The following MYO6 variants were observed in gnomAD, a reference collection of about 807,000 sequenced individuals.
MYO6 encodes the protein unconventional myosin-VI.
In MYO6, 74 loss-of-function variants were observed where a neutral mutation model predicts 178.7. The ratio of observed to expected loss-of-function variants is 0.41; its 90% CI spans 0.34 to 0.50. The LOEUF (loss-of-function observed/expected upper bound fraction) is 0.50. Among genes scored for constraint, MYO6 ranks in the 20% least tolerant of loss-of-function variants. MYO6 has a pLI of 0.09. For synonymous variants in MYO6, 477 were observed against 504.6 expected (o/e 0.95, Z 0.73); for missense variants, 1,330 against 1,547.4 (o/e 0.86, Z 2.36).
intron 32 of MYO6, 109 bp downstream of exon 32, chr6:75,908,736 A>G (rs1341509044): frequency 8.3e-7 from 1 of 1,198,842 alleles, no homozygotes; most frequent in Non-Finnish European, 1.2e-6. Context: ...CTCCTATTTT[A>G]GAACTGTGAG....
intron 23 of MYO6, among the ~76,000 whole-genome samples, chr6:75,885,058 C>A (rs1377303931): frequency 2.0e-5 from 3 of 152,144 alleles, no homozygotes; most frequent in Non-Finnish European, 2.9e-5. Context: ...AAACTAAGTT[C>A]TTTCCCAAGA....
In MYO6 at chr6:75,914,998, A is replaced by T; in HGVS notation, c.3844A>T (p.Ser1282Cys). The stretch of plus-strand genomic sequence containing the variant: ...CACCTATGCAACAGCCATGCTGCAG[A>T]GTCTGTTAAAGTAGATGTTGCACAC... ...RPTYATAMLQ[S>C]LLK Residue 1282 changes from serine to cysteine, a missense_variant, in exon 35 of 35, where the codon AGT (serine) becomes TGT (cysteine). Around this residue, in one of 3 missense-constraint regions of MYO6, gnomAD observed 601 missense variants for 626.1 expected, o/e 0.96. Transcript: ENST00000369977. 3 of 1,612,678 alleles carry T rather than the reference A, an allele frequency of 1.9e-6. No individual in the cohort carries two copies. The highest frequency in any genetic ancestry group is 2.5e-6 in the Non-Finnish European group (3 of 1,179,700).
intron 18 of MYO6, chr6:75,867,488 T>TCC (rs1776795284): frequency 5.7e-6 from 1 of 174,320 alleles, no homozygotes; most frequent in African/African-American, 2.4e-5. Context: ...ACTAGTTGAG[T>TCC]TGAGAGAGGA....
In MYO6 at chr6:75,866,573, C is replaced by T. The variant is rs11756446; in HGVS notation, c.1722C>T (p.Asp574=). ...KLAVHRNIRD[D]EGFIIRHFAG... ...CAGTTCATAGGAATATCAGAGACGACGAAGGCTTCATTATCAGGCATTTTG... is the reference window on the plus strand; with the variant it reads ...CAGTTCATAGGAATATCAGAGACGATGAAGGCTTCATTATCAGGCATTTTG... The change falls in exon 17 of 35, where the codon GAC becomes GAT. Residue 574 remains aspartate, a synonymous_variant. Coordinates refer to ENST00000369977, the MANE Select transcript of MYO6 (RefSeq NM_004999.4). 0.057 allele frequency: 91,239 copies of T among 1,613,280 alleles called. 2,942 individuals carry two copies. Among genetic ancestry groups the T allele is most frequent in the South Asian group, 0.065 (5,931 of 91,058 alleles).
At chr6:75,890,950 A>C (rs1778857467) in intron 26 of MYO6, among the ~76,000 whole-genome samples, 1 of 152,186 alleles carries the variant, frequency 6.6e-6, no homozygotes, top group Non-Finnish European at 1.5e-5. Flanking sequence ...GACTAGAGGG[A>C]AGCACCTTTA....
chr6:75,801,091 C>T (rs548051909), intron 1 of MYO6, among the ~76,000 whole-genome samples: 43 of 152,020 alleles, frequency 2.8e-4, no homozygotes, highest in Admixed American at 1.3e-4. Context: ...TGTTTAAAGC[C>T]GTAAGACTAG....
chr6:75,839,725 G>C (rs1009331571), intron 7 of MYO6, among the ~76,000 whole-genome samples: 1 of 152,016 alleles, frequency 6.6e-6, no homozygotes, highest in Non-Finnish European at 1.5e-5. Flanking sequence ...TGTTCACTAG[G>C]ATTTTAAAAC....
chr6:75,894,744 G>T, intron 28 of MYO6: 1 of 1,027,420 alleles, frequency 9.7e-7, no homozygotes, highest in South Asian at 1.9e-5. Flanking sequence ...TGGGTTCTAT[G>T]CTGTGTTAAA....
intron 11 of MYO6, among the ~76,000 whole-genome samples, chr6:75,851,698 A>G (rs1254918267): frequency 6.6e-6 from 1 of 151,872 alleles, no homozygotes; most frequent in Non-Finnish European, 1.5e-5. Context: ...AAAATAAATT[A>G]GCTGGGCATG....
At chr6:75,816,322 A>G (rs941706760) in intron 1 of MYO6, among the ~76,000 whole-genome samples, 1 of 152,252 alleles carries the variant, frequency 6.6e-6, no homozygotes, top group Non-Finnish European at 1.5e-5. Context: ...AGGAATGCCC[A>G]TGGGGAATGG....
chr6:75,862,897 T>C (rs1003717288), intron 16 of MYO6, among the ~76,000 whole-genome samples, 174 bp downstream of exon 16: 8 of 152,192 alleles, frequency 5.3e-5, no homozygotes, highest in Non-Finnish European at 1.2e-4. Flanking sequence ...TATATATGAT[T>C]TTTATGTAGT....
Position 75,841,134 on chromosome 6 carries a change from G to C in MYO6, c.652-80G>C, listed in dbSNP as rs898440044. On this transcript the variant is annotated intron_variant, in intron 8 of 34. Transcript: ENST00000369977. ...TTGATAGACAAATGGTATTAGAAAA[G>C]GTAAATAATTTAACATTGGTTAATT... 2.7e-5 allele frequency: 36 copies of C among 1,357,928 alleles called. No individual in the cohort carries two copies. In the African/African-American group the frequency reaches 3.8e-4, roughly 14 times the overall value. 84.1% of individuals were successfully genotyped at this position (1,357,928 alleles called of 1,614,324 possible).
At chr6:75,878,036 C>T (rs1777704151) in intron 20 of MYO6, among the ~76,000 whole-genome samples, 1 of 152,150 alleles carries the variant, frequency 6.6e-6, no homozygotes, top group Non-Finnish European at 1.5e-5. Context: ...CAAGCAAAGC[C>T]TAGAGCTAAA....
intron 7 of MYO6, among the ~76,000 whole-genome samples, chr6:75,836,770 A>G (rs1773688773): frequency 6.6e-6 from 1 of 151,926 alleles, no homozygotes; most frequent in African/African-American, 2.4e-5. Flanking sequence ...TTTAGTAGAG[A>G]TGGGGTTTCA....
chr6:75,787,686 CTCTCTCTCTCT>C (rs1562157780), intron 1 of MYO6, among the ~76,000 whole-genome samples: 6 of 17,196 alleles, frequency 3.5e-4, no homozygotes, highest in Admixed American at 8.9e-4. Context: ...TTCTCTCTCT[CTCTCTCTCTCT>C]CTCTCTCTCT....
At position 75,859,132 on chromosome 6, in the gene MYO6, A is replaced by T. The variant is rs2273858; in HGVS notation, c.1473+139A>T. ...GTGGCTCAGGGAATCTGGGAAGCCC[A>T]GCAGAGGCCCCGGGGCTCAGGCACG... On this transcript the variant is annotated intron_variant, in intron 14 of 34. Transcript: ENST00000369977. 10,873 of 650,580 alleles carry T rather than the reference A, an allele frequency of 0.017. 534 individuals are homozygous for T. Among genetic ancestry groups the T allele is most frequent in the East Asian group, 0.15 (5,323 of 35,432 alleles). 40.3% of individuals were successfully genotyped at this position (650,580 alleles called of 1,614,324 possible). A position where few individuals can be genotyped will look rare whatever the true frequency, so the allele number is the denominator to read the frequency against.
chr6:75,806,498 A>G (rs1031520368), intron 1 of MYO6, among the ~76,000 whole-genome samples: 5 of 152,190 alleles, frequency 3.3e-5, no homozygotes, highest in Non-Finnish European at 5.9e-5. Context: ...GTTGGGAACA[A>G]GCGCCCCAAA....
chr6:75,847,732 G>T (rs565485723), intron 10 of MYO6, among the ~76,000 whole-genome samples: 2 of 152,086 alleles, frequency 1.3e-5, no homozygotes, highest in South Asian at 2.1e-4. Flanking sequence ...CATGAAAATT[G>T]TATCAGCCTG....
At chr6:75,784,539 C>T (rs922315819) in intron 1 of MYO6, among the ~76,000 whole-genome samples, 1 of 151,386 alleles carries the variant, frequency 6.6e-6, no homozygotes, top group East Asian at 2.0e-4. Flanking sequence ...TTTGGGAGGC[C>T]GAGGTGGGCA....
Sources: allele counts gnomAD v4.1 joint callset (sites outside exome capture counted in the v4.1 genomes callset), GRCh38; gene constraint gnomAD v4.1.1; regional missense constraint gnomAD v4.1.1; transcripts MANE v1.5; gene names NCBI Gene and HGNC (gene_info 2026-07-23, HGNC 2026-07-21).